Variants in EVC observed in about 807,000 individuals in gnomAD.
The protein encoded by EVC is evC complex member EVC.
Under a neutral mutation model 118.9 loss-of-function variants are expected in EVC, and 116 were observed. The ratio of observed to expected loss-of-function variants is 0.98; its 90% CI spans 0.84 to 1.14. The LOEUF (loss-of-function observed/expected upper bound fraction) is 1.14. EVC is among the 50% of genes most tolerant of loss of function. EVC has a pLI of 0.00. For synonymous variants in EVC, 619 were observed against 534.7 expected, an observed-to-expected ratio of 1.16 and a Z score of -2.18; for missense variants, 1,401 against 1,246.4, an observed-to-expected ratio of 1.12 and a Z score of -1.87.
At chr4:5,826,287 G>T in the EVC span, 3 of 152,878 alleles carry the variant, frequency 2.0e-5, no homozygotes, top group Non-Finnish European at 4.4e-5. Context: ...GTATGTTCTT[G>T]TAGAAGTCAA....
chr4:5,797,924 G>A (rs1407414889), intron 14 of EVC, among the ~76,000 whole-genome samples: 1 of 152,202 alleles, frequency 6.6e-6, no homozygotes, highest in Non-Finnish European at 1.5e-5. Flanking sequence ...TAATTAGTAA[G>A]TTGTAGAGCT....
In EVC at chr4:5,764,026, T is replaced by C. The variant is rs1333150742; in HGVS notation, c.1563+7664T>C. Among the ~76,000 whole-genome samples the C allele has an allele frequency of 5.0e-3, 747 of 148,716 alleles. 6 individuals are homozygous for C. Among genetic ancestry groups the C allele is most frequent in the South Asian group, 0.016 (71 of 4,520 alleles). On this transcript the variant is annotated intron_variant, in intron 11 of 20. Coordinates refer to ENST00000264956, the MANE Select transcript of EVC (RefSeq NM_153717.3). ...CAGTTTTTGCCCATTCAGTGTGATA[T>C]TGGCTGGGGGTTTGTCATAGATAGC... is the stretch of plus-strand genomic sequence containing the variant.
rs1200721176 is a variant in EVC at position 5,737,040 on chromosome 4, T to G, written c.702+3605T>G. On this transcript the variant is annotated intron_variant, in intron 5 of 20. Transcript: ENST00000264956. This position sits in a 1 kb window ranked among gnomAD's most constrained non-coding sequence, Gnocchi z 5.0. ...GTTGTGAATGCAAAGAAAAAGTTCT[T>G]GAAGGAAATTAAAAGTGCTACGCCA... Among the ~76,000 whole-genome samples, 1 of 152,168 alleles carries G rather than the reference T, an allele frequency of 6.6e-6. No individual in the cohort carries two copies. The highest frequency in any genetic ancestry group is 1.5e-5 in the Non-Finnish European group (1 of 68,018).
chr4:5,748,711 TCCACCCACCCACCC>T (rs1729845996), intron 8 of EVC, among the ~76,000 whole-genome samples: 7 of 59,798 alleles, frequency 1.2e-4, no homozygotes, highest in Admixed American at 2.1e-4. Flanking sequence ...CGTCCACCCA[TCCACCCACCCACCC>T]ATCCACCCAT....
chr4:5,728,747 T>TGC (rs1726276639), intron 2 of EVC, among the ~76,000 whole-genome samples: 2 of 152,244 alleles, frequency 1.3e-5, no homozygotes, highest in Non-Finnish European at 2.9e-5. Flanking sequence ...TGAATATGAC[T>TGC]GCATGTGCTT....
chr4:5,794,728 T>G (rs1713625749), intron 13 of EVC, among the ~76,000 whole-genome samples: 1 of 152,166 alleles, frequency 6.6e-6, no homozygotes, highest in Admixed American at 6.6e-5. Flanking sequence ...AAATTTTTGA[T>G]ATAGCTATTT....
the EVC span, among the ~76,000 whole-genome samples, chr4:5,827,588 A>G: frequency 1.3e-5 from 2 of 151,790 alleles, no homozygotes; most frequent in Non-Finnish European, 2.9e-5. Flanking sequence ...CCACACACAC[A>G]GAGCTCACCA....
At chr4:5,805,409 C>T (rs1169248299) in intron 17 of EVC, among the ~76,000 whole-genome samples, 1 of 152,204 alleles carries the variant, frequency 6.6e-6, no homozygotes, top group Non-Finnish European at 1.5e-5. Flanking sequence ...GCCCGCCGAC[C>T]GGGCTGTTCT....
In EVC at chr4:5,811,166, G is replaced by C. The variant is rs1316236422; in HGVS notation, c.*129G>C. 1 of 742,148 alleles carries C rather than the reference G, an allele frequency of 1.3e-6. No individual in the cohort carries two copies. The highest frequency in any genetic ancestry group is 1.8e-5 in the African/African-American group (1 of 56,938). The allele number at this position is 742,148 out of a possible 1,614,324, so 46.0% of individuals were successfully genotyped here. A position where few individuals can be genotyped will look rare whatever the true frequency, so the allele number is the denominator to read the frequency against. On this transcript the variant is annotated 3_prime_UTR_variant, in exon 21 of 21. Coordinates refer to ENST00000264956, the MANE Select transcript of EVC (RefSeq NM_153717.3). Reference sequence around the variant, plus strand: ...GGCATCTCTAGGCTCTTCTGAGAGGGACAGAGAAAGAATAGAAATGTGCCC... The same window carrying C: ...GGCATCTCTAGGCTCTTCTGAGAGGCACAGAGAAAGAATAGAAATGTGCCC...
rs953249703 is a variant in EVC, at chr4:5,795,540, T to G, written c.1887-1482T>G. On this transcript the variant is annotated intron_variant, in intron 13 of 20. Coordinates refer to ENST00000264956, the MANE Select transcript of EVC (RefSeq NM_153717.3). ...GGTGGCAGGTGCCTGTAATCCCAGC[T>G]ACTTGGGAGACTGAGGCACAAGAAT... Among the ~76,000 whole-genome samples, 7 of 152,322 alleles carry G rather than the reference T, an allele frequency of 4.6e-5. No homozygotes were observed. In the South Asian group the frequency reaches 1.2e-3, roughly 27 times the overall value.
intron 16 of EVC, 84 bp downstream of exon 16, chr4:5,802,178 T>A: frequency 1.3e-6 from 2 of 1,506,994 alleles, no homozygotes; most frequent in East Asian, 4.5e-5. Context: ...TGTCAGATAC[T>A]GTGAATTTTA....
chr4:5,798,094 C>G lies in EVC; in HGVS notation c.2098-492C>G, dbSNP rs147531227. Reference sequence around the variant, plus strand: ...AGGAGCAGGCAGGACTCACGGACCTCGCTACAGCCCCGCTCACTTCTTTCT... The same window carrying G: ...AGGAGCAGGCAGGACTCACGGACCTGGCTACAGCCCCGCTCACTTCTTTCT... On this transcript the variant is annotated intron_variant, in intron 14 of 20. Coordinates refer to ENST00000264956, the MANE Select transcript of EVC (RefSeq NM_153717.3). This position sits in a 1 kb window ranked among gnomAD's most constrained non-coding sequence, Gnocchi z 4.1. Among the ~76,000 whole-genome samples the G allele has an allele frequency of 2.6e-5, 4 of 152,150 alleles. No individual in the cohort carries two copies. The highest frequency in any genetic ancestry group is 5.9e-5 in the Non-Finnish European group (4 of 68,022).
intron 11 of EVC, among the ~76,000 whole-genome samples, chr4:5,780,221 T>G (rs1735372317): frequency 6.6e-6 from 1 of 152,232 alleles, no homozygotes; most frequent in Admixed American, 6.5e-5. Context: ...ATCAAAAAGC[T>G]TATCCACCAT....
intron 13 of EVC, among the ~76,000 whole-genome samples, chr4:5,796,700 A>G (rs1291917045): frequency 2.0e-5 from 3 of 152,040 alleles, no homozygotes; most frequent in East Asian, 3.9e-4. Flanking sequence ...TAGGAACTCA[A>G]AAATGGCTCA....
rs189787231 is a variant in EVC, at chr4:5,782,222, C to T, written c.1564-1330C>T. 4.4e-3 allele frequency among the ~76,000 whole-genome samples: 671 copies of T among 151,056 alleles called. 5 individuals are homozygous for T. The highest frequency in any genetic ancestry group is 0.015 in the African/African-American group (635 of 41,124). ...CCAAGTAGCTGGGATTACAGACGTG[C>T]GCCACCACGCCCGGCTAATTTTTAT... On this transcript the variant is annotated intron_variant, in intron 11 of 20. Coordinates refer to ENST00000264956, the MANE Select transcript of EVC (RefSeq NM_153717.3).
chr4:5,728,783 T>A (rs1386138714), intron 2 of EVC, among the ~76,000 whole-genome samples: 1 of 152,246 alleles, frequency 6.6e-6, no homozygotes, highest in African/African-American at 2.4e-5. Flanking sequence ...CTAAAATTAT[T>A]CTGTGTGTTT....
At chr4:5,827,121 CCGATCCTATTGCTCCTG>C in the EVC span, among the ~76,000 whole-genome samples, 8 of 152,220 alleles carry the variant, frequency 5.3e-5, no homozygotes. Context: ...ATGGGACCCC[CCGATCCTATTGCTCCTG>C]CAAATTGCTG....
At chr4:5,767,019 C>A (rs1018475485) in intron 11 of EVC, among the ~76,000 whole-genome samples, 2 of 150,204 alleles carry the variant, frequency 1.3e-5, no homozygotes, top group African/African-American at 4.9e-5. Context: ...GTTTTTTCCC[C>A]ATCTTTGTGG....
intron 15 of EVC, among the ~76,000 whole-genome samples, chr4:5,801,116 G>T (rs1190002347): frequency 6.6e-6 from 1 of 152,218 alleles, no homozygotes; most frequent in Non-Finnish European, 1.5e-5. Context: ...ATGTAGAAAC[G>T]CATGTAGCTG....
Sources: allele counts gnomAD v4.1 joint callset (sites outside exome capture counted in the v4.1 genomes callset), GRCh38; gene constraint gnomAD v4.1.1; non-coding constraint Gnocchi (gnomAD v3.1); transcripts MANE v1.5; gene names NCBI Gene and HGNC (gene_info 2026-07-23, HGNC 2026-07-21).